DCUN1D1: variants seen among roughly 807,000 people sequenced by gnomAD.
The protein encoded by DCUN1D1 is defective in cullin neddylation 1 domain containing 1.
Under a neutral mutation model 39.0 loss-of-function variants are expected in DCUN1D1, and 3 were observed. That is an observed-to-expected ratio of 0.08 (90% confidence interval 0.04 to 0.20). The LOEUF is 0.20. DCUN1D1 is among the 10% of genes least tolerant of loss of function. The pLI, the probability that DCUN1D1 is intolerant of heterozygous loss-of-function variation, is 1.00. For missense variants in DCUN1D1, 158 were observed against 302.4 expected, an observed-to-expected ratio of 0.52 and a Z score of 3.54; for synonymous variants, 82 against 96.3, an observed-to-expected ratio of 0.85 and a Z score of 0.87.
At chr3:182,984,007 G>GCTGAC (rs1728646862), upstream of DCUN1D1, among the ~76,000 whole-genome samples, 1 of 152,204 alleles carries the variant, frequency 6.6e-6, no homozygotes, top group Admixed American at 6.5e-5. Flanking sequence ...CACTGCTTAA[G>GCTGAC]GTCAGAGACC....
intron 1 of DCUN1D1, among the ~76,000 whole-genome samples, chr3:182,970,473 T>A (rs915108763): frequency 1.7e-4 from 26 of 152,228 alleles, no homozygotes; most frequent in African/African-American, 6.3e-4. Flanking sequence ...AGCAAAAAAA[T>A]AAGATCCATT....
chr3:182,940,587 C>T lies in DCUN1D1; in HGVS notation c.*4507G>A, dbSNP rs1339746178. 6.6e-6 allele frequency: 1 copy of T among 152,156 alleles called. No homozygotes were observed. The highest frequency in any genetic ancestry group is 2.4e-5 in the African/African-American group (1 of 41,518). 9.4% of individuals were successfully genotyped at this position (152,156 alleles called of 1,614,324 possible). A position where few individuals can be genotyped will look rare whatever the true frequency, so the allele number is the denominator to read the frequency against. ...ATTTTTTTAACTGAGTATTTTTCCC[C>T]AAACCAAATCGAATATGAAACACTA... On this transcript the variant is annotated 3_prime_UTR_variant, in exon 7 of 7. Transcript: ENST00000292782.
At chr3:182,959,697 C>T (rs1185102612) in intron 4 of DCUN1D1, among the ~76,000 whole-genome samples, 1 of 152,052 alleles carries the variant, frequency 6.6e-6, no homozygotes, top group African/African-American at 2.4e-5. Flanking sequence ...AATTGGTAAA[C>T]ATTAAATGAG....
chr3:182,967,107 C>CCAAA (rs1325717533), intron 1 of DCUN1D1, among the ~76,000 whole-genome samples: 1 of 142,924 alleles, frequency 7.0e-6, no homozygotes, highest in Admixed American at 7.1e-5. Context: ...GGCTTCACCT[C>CCAAA]CAAACAAACA....
intron 1 of DCUN1D1, chr3:182,985,760 G>T (rs1728713497): frequency 6.6e-6 from 1 of 152,224 alleles, no homozygotes; most frequent in African/African-American, 2.4e-5. Context: ...TCATACAAAA[G>T]AACCAACAAA....
intron 3 of DCUN1D1, among the ~76,000 whole-genome samples, chr3:182,961,670 G>A (rs1386783609): frequency 6.6e-6 from 1 of 152,170 alleles, no homozygotes; most frequent in Non-Finnish European, 1.5e-5. Flanking sequence ...AAATAAGAAT[G>A]TATAGTAATC....
At chr3:182,947,216 G>C in intron 6 of DCUN1D1, 22 bp downstream of exon 6, 1 of 1,437,986 alleles carries the variant, frequency 7.0e-7, no homozygotes, top group East Asian at 2.3e-5. Flanking sequence ...AAAAAAAGTG[G>C]TGTGGCAAAA....
intron 3 of DCUN1D1, among the ~76,000 whole-genome samples, chr3:182,962,521 G>A (rs1230457469): frequency 5.9e-5 from 9 of 152,146 alleles, no homozygotes; most frequent in Admixed American, 4.6e-4. Flanking sequence ...GCAGCAAGTG[G>A]TCTCCAGGCA....
At chr3:182,972,759 G>A (rs753472545) in intron 1 of DCUN1D1, among the ~76,000 whole-genome samples, 4 of 152,280 alleles carry the variant, frequency 2.6e-5, no homozygotes, top group Non-Finnish European at 5.9e-5. Flanking sequence ...AAAAAAAAGA[G>A]GCTGGGCGCA....
intron 1 of DCUN1D1, chr3:182,985,699 A>G (rs933157478): frequency 1.3e-5 from 2 of 152,224 alleles, no homozygotes; most frequent in African/African-American, 4.8e-5. Context: ...ATCAGAACGA[A>G]GGGGTACACC....
At chr3:182,951,597 CAGAG>C (rs1271973319) in intron 4 of DCUN1D1, among the ~76,000 whole-genome samples, 2 of 94,226 alleles carry the variant, frequency 2.1e-5, no homozygotes, top group South Asian at 4.2e-4. Context: ...GCCTGGGTGA[CAGAG>C]AGAGACCCTG....
At chr3:182,946,777 ATTGGT>A (rs1726431830) in intron 6 of DCUN1D1, among the ~76,000 whole-genome samples, 2 of 152,068 alleles carry the variant, frequency 1.3e-5, no homozygotes, top group Non-Finnish European at 2.9e-5. Context: ...AAGAATATGG[ATTGGT>A]AAATGTATGA....
intron 1 of DCUN1D1, among the ~76,000 whole-genome samples, chr3:182,975,229 T>A (rs773796216): frequency 6.7e-6 from 1 of 149,886 alleles, no homozygotes; most frequent in African/African-American, 2.5e-5. Flanking sequence ...CAGGCTGGAG[T>A]GCAGTGGTGC....
chr3:182,950,608 C>T (rs910845272), intron 4 of DCUN1D1, among the ~76,000 whole-genome samples: 1 of 152,052 alleles, frequency 6.6e-6, no homozygotes, highest in African/African-American at 2.4e-5. Context: ...TTTTCTCCTT[C>T]CCTTCACAGG....
chr3:182,945,779 A>G (rs1158718480), intron 6 of DCUN1D1, among the ~76,000 whole-genome samples: 1 of 152,214 alleles, frequency 6.6e-6, no homozygotes, highest in East Asian at 1.9e-4. Context: ...TACGTTACTA[A>G]AAGGTGTAAA....
chr3:182,959,166 T>C (rs1385336520), intron 4 of DCUN1D1, among the ~76,000 whole-genome samples: 1 of 152,182 alleles, frequency 6.6e-6, no homozygotes, highest in Admixed American at 6.5e-5. Context: ...TCCCGGCTTA[T>C]TCTGCCTGCA....
chr3:182,960,745 G>A (rs1029144557), intron 4 of DCUN1D1, among the ~76,000 whole-genome samples: 1 of 152,066 alleles, frequency 6.6e-6, no homozygotes. Flanking sequence ...CTTTTACAGT[G>A]GTTATTTCTG....
At chr3:182,970,993 G>A (rs941596965) in intron 1 of DCUN1D1, among the ~76,000 whole-genome samples, 2 of 152,152 alleles carry the variant, frequency 1.3e-5, no homozygotes, top group Non-Finnish European at 2.9e-5. Flanking sequence ...AGTCAGAATA[G>A]GAATCTAGGT....
At chr3:182,965,809 A>G (rs1293018341) in intron 1 of DCUN1D1, 56 bp from the exon 2 acceptor site, 1 of 1,135,610 alleles carries the variant, frequency 8.8e-7, no homozygotes, top group Non-Finnish European at 1.3e-6. Context: ...AAGACTAAAT[A>G]TTTCTATATG....
Sources: allele counts gnomAD v4.1 joint callset (sites outside exome capture counted in the v4.1 genomes callset), GRCh38; gene constraint gnomAD v4.1.1; transcripts MANE v1.5; gene names NCBI Gene and HGNC (gene_info 2026-07-23, HGNC 2026-07-21).